H2AZ2: variants seen among roughly 807,000 people sequenced by gnomAD.
H2AZ2 encodes the protein H2A.Z variant histone 2, also known as histone H2A.V.
In H2AZ2, 5 loss-of-function variants were observed where a neutral mutation model predicts 15.5. The observed-to-expected ratio is 0.32, with a 90% confidence interval of 0.17 to 0.68. The LOEUF is 0.68. Ranked by LOEUF, H2AZ2 falls within the 30% of genes least tolerant of loss-of-function variation. H2AZ2 has a pLI of 0.72. For missense variants in H2AZ2, 42 were observed against 162.5 expected, an observed-to-expected ratio of 0.26 and a Z score of 4.03; for synonymous variants, 44 against 57.4, an observed-to-expected ratio of 0.77 and a Z score of 1.05.
At position 44,833,540 on chromosome 7, in the gene H2AZ2, G is replaced by A. The variant is rs1011984245; in HGVS notation, c.*961C>T. ...GTGAGCCACCGCGCCTGGCCGAGAC[G>A]GCGTTTTACCATGTTGGCCAGGCTG... On this transcript the variant is annotated 3_prime_UTR_variant, in exon 5 of 5. Transcript: ENST00000308153. 12 of 270,396 alleles carry A rather than the reference G, an allele frequency of 4.4e-5. No homozygotes were observed. Among genetic ancestry groups the A allele is most frequent in the Middle Eastern group, 1.9e-3 (1 of 520 alleles). The allele number at this position is 270,396 out of a possible 1,614,324, so 16.7% of individuals were successfully genotyped here. A position where few individuals can be genotyped will look rare whatever the true frequency, so the allele number is the denominator to read the frequency against.
intron 1 of H2AZ2, 121 bp downstream of exon 1, chr7:44,847,843 GGGCTC>G: frequency 7.6e-7 from 1 of 1,317,320 alleles, no homozygotes; most frequent in East Asian, 2.9e-5. Flanking sequence ...GGGCGGCGAG[GGGCTC>G]GGCCGGACGA....
chr7:44,848,089 C>G (rs1419704466), upstream of H2AZ2: 5 of 531,830 alleles, frequency 9.4e-6, no homozygotes, highest in African/African-American at 6.0e-5. Context: ...ATACCCCGTG[C>G]CCGCCTCGCG....
intron 2 of H2AZ2, among the ~76,000 whole-genome samples, 185 bp from the exon 3 acceptor site, chr7:44,841,197 C>A (rs1793267709): frequency 6.6e-6 from 1 of 152,194 alleles, no homozygotes; most frequent in African/African-American, 2.4e-5. Flanking sequence ...TGTCCAAAAT[C>A]TTTAACCTCT....
Position 44,841,082 on chromosome 7 carries a change from G to C in H2AZ2, c.82-70C>G, listed in dbSNP as rs186913857. On this transcript the variant is annotated intron_variant, in intron 2 of 4. Coordinates refer to ENST00000308153, the MANE Select transcript of H2AZ2 (RefSeq NM_012412.5). ...ATTGCACTGACTGTAATCAAAGGCT[G>C]AACAATGTAAGCATGAAATAATAAA... 6 of 1,154,868 alleles carry C rather than the reference G, an allele frequency of 5.2e-6. No homozygotes were observed. In the East Asian group the frequency reaches 1.4e-4, roughly 28 times the overall value. The allele number at this position is 1,154,868 out of a possible 1,614,324, so 71.5% of individuals were successfully genotyped here. A position where few individuals can be genotyped will look rare whatever the true frequency, so the allele number is the denominator to read the frequency against.
Position 44,832,185 on chromosome 7 carries a change from T to C in H2AZ2, c.*2316A>G, listed in dbSNP as rs1266650008. On this transcript the variant is annotated 3_prime_UTR_variant, in exon 5 of 5. Transcript: ENST00000308153. ...GATCTTGCCTGGATCTTGACTCGAA[T>C]AAACCAACTGTTAAAAAAAACTTAC... Among the ~76,000 whole-genome samples, 1 of 152,162 alleles carries C rather than the reference T, an allele frequency of 6.6e-6. No individual in the cohort carries two copies. The highest frequency in any genetic ancestry group is 1.5e-5 in the Non-Finnish European group (1 of 68,024).
In H2AZ2 at chr7:44,833,196, G is replaced by A. The variant is rs1237522703; in HGVS notation, c.*1305C>T. 3.3e-5 allele frequency among the ~76,000 whole-genome samples: 5 copies of A among 151,852 alleles called. No homozygotes were observed. Among genetic ancestry groups the A allele is most frequent in the Admixed American group, 3.3e-4 (5 of 15,202 alleles). The stretch of plus-strand genomic sequence containing the variant: ...CCCAAGTAGTTGGGACAACATGTGT[G>A]TACCATGCCTGGCTAATTTCTGTAT... On this transcript the variant is annotated 3_prime_UTR_variant, in exon 5 of 5. Transcript: ENST00000308153.
intron 1 of H2AZ2, among the ~76,000 whole-genome samples, chr7:44,844,195 A>C (rs1470947949): frequency 6.6e-6 from 1 of 152,244 alleles, no homozygotes; most frequent in Non-Finnish European, 1.5e-5. Flanking sequence ...AATAGCCAAA[A>C]GGTAGAAACA....
At chr7:44,837,433 G>GAAAAAAAAAAAAAAAAAAAAAAA (rs71011996) in intron 3 of H2AZ2, among the ~76,000 whole-genome samples, 2 of 87,270 alleles carry the variant, frequency 2.3e-5, no homozygotes, top group Non-Finnish European at 4.2e-5. Context: ...AAAAAAAAAA[G>GAAAAAAAAAAAAAAAAAAAAAAA]AAAAAAAAAA....
downstream of H2AZ2, chr7:44,830,236 G>T: frequency 2.2e-6 from 3 of 1,382,474 alleles, no homozygotes; most frequent in Non-Finnish European, 2.0e-6. Context: ...TCATAGATGA[G>T]CTGATAACTG....
Position 44,835,646 on chromosome 7 carries a change from C to G in H2AZ2, c.208G>C (p.Ala70Pro). 3 of 1,606,042 alleles carry G rather than the reference C, an allele frequency of 1.9e-6. No individual in the cohort carries two copies. The highest frequency in any genetic ancestry group is 2.6e-6 in the Non-Finnish European group (3 of 1,174,842). The part of the protein sequence containing the change: ...EYLTAEVLEL[A>P]GNASKDLKVK... The stretch of plus-strand genomic sequence containing the variant: ...TTGAGATCCTTAGAAGCATTACCTG[C>G]CAGCTCCAGCACCTACAAAGCATCC... The change falls in exon 4 of 5, where the codon GCA (alanine) becomes CCA (proline). Residue 70 changes from alanine (A) to proline (P), a missense_variant. Coordinates refer to ENST00000308153, the MANE Select transcript of H2AZ2 (RefSeq NM_012412.5).
In H2AZ2 at chr7:44,841,150, A is replaced by G. The variant is rs1482370448; in HGVS notation, c.82-138T>C. ...TCAGAAGCCAAACCTATTACGCATC[A>G]ATAGTTCCCAGGGCCTGTGTCTCTG... On this transcript the variant is annotated intron_variant, in intron 2 of 4. Transcript: ENST00000308153. 1.9e-5 allele frequency: 12 copies of G among 616,956 alleles called. No homozygotes were observed. In the East Asian group the frequency reaches 3.1e-4, roughly 16 times the overall value. The allele number at this position is 616,956 out of a possible 1,614,324, so 38.2% of individuals were successfully genotyped here.
intron 3 of H2AZ2, among the ~76,000 whole-genome samples, chr7:44,836,081 G>A (rs892321210): frequency 2.0e-5 from 3 of 150,082 alleles, no homozygotes; most frequent in South Asian, 2.1e-4. Context: ...CTGCCCTAGC[G>A]TCCTGAGCTG....
At chr7:44,843,788 C>T (rs906008039) in intron 1 of H2AZ2, among the ~76,000 whole-genome samples, 3 of 152,148 alleles carry the variant, frequency 2.0e-5, no homozygotes, top group African/African-American at 7.2e-5. Flanking sequence ...GAACTCCTGA[C>T]CTCAAGTGAT....
intron 3 of H2AZ2, among the ~76,000 whole-genome samples, chr7:44,838,233 A>G (rs1434651137): frequency 2.0e-5 from 3 of 152,080 alleles, no homozygotes; most frequent in Admixed American, 1.3e-4. Flanking sequence ...TCAGCCTCCC[A>G]AAGTGCTGGG....
Position 44,837,034 on chromosome 7 carries a change from C to T in H2AZ2, c.196-1376G>A, listed in dbSNP as rs538506204. ...AAAACAAAAACAAAAAACAAAACAA[C>T]AAAAAAAACAGACACAGGGTTTCAC... On this transcript the variant is annotated intron_variant, in intron 3 of 4. Transcript: ENST00000308153. Among the ~76,000 whole-genome samples the T allele has an allele frequency of 4.8e-4, 73 of 150,666 alleles. 1 individual carries two copies. Among genetic ancestry groups the T allele is most frequent in the African/African-American group, 1.7e-3 (68 of 41,080 alleles).
chr7:44,846,503 C>T (rs1254211781), intron 1 of H2AZ2, among the ~76,000 whole-genome samples: 1 of 151,596 alleles, frequency 6.6e-6, no homozygotes, highest in Non-Finnish European at 1.5e-5. Context: ...TGTAGCTATT[C>T]GGGAGGCTGA....
At chr7:44,846,608 CA>C (rs1371866727) in intron 1 of H2AZ2, among the ~76,000 whole-genome samples, 17 of 46,986 alleles carry the variant, frequency 3.6e-4, no homozygotes, top group Admixed American at 2.2e-3. Context: ...GACTCCGTCT[CA>C]AAAAAAAAAA....
rs1303523637 is a variant in H2AZ2 at position 44,832,546 on chromosome 7, G to A, written c.*1955C>T. Among the ~76,000 whole-genome samples the A allele has an allele frequency of 1.3e-5, 2 of 152,078 alleles. No homozygotes were observed. The highest frequency in any genetic ancestry group is 3.9e-4 in the East Asian group (2 of 5,190). On this transcript the variant is annotated 3_prime_UTR_variant, in exon 5 of 5. Coordinates refer to ENST00000308153, the MANE Select transcript of H2AZ2 (RefSeq NM_012412.5). ...TAAAATGTTTTTAAAAATGAGTTTG[G>A]ATAGCATTATACTATAAAATATTTT... is the stretch of plus-strand genomic sequence containing the variant.
At position 44,833,696 on chromosome 7, in the gene H2AZ2, A is replaced by C. The variant is rs930045322; in HGVS notation, c.*805T>G. ...AAAAGGAGAAACCTTTGATAAACTG[A>C]ACATCAATTCCAGGTAAAACTAGGC... On this transcript the variant is annotated 3_prime_UTR_variant, in exon 5 of 5. Transcript: ENST00000308153. 2.3e-5 allele frequency: 23 copies of C among 985,256 alleles called. No individual in the cohort carries two copies. Among genetic ancestry groups the C allele is most frequent in the Non-Finnish European group, 2.8e-5 (23 of 829,868 alleles). 61.0% of individuals were successfully genotyped at this position (985,256 alleles called of 1,614,324 possible). A position where few individuals can be genotyped will look rare whatever the true frequency, so the allele number is the denominator to read the frequency against.
Sources: gnomAD v4.1 joint callset for allele counts (sites outside exome capture counted in the v4.1 genomes callset) on GRCh38, gnomAD v4.1.1 for gene constraint, MANE v1.5 for transcripts, NCBI Gene and HGNC (gene_info 2026-07-23, HGNC 2026-07-21) for gene names.